CSGALNACT1: variants seen among roughly 807,000 people sequenced by gnomAD.
CSGALNACT1 encodes beta4GalNAcT-1.
CSGALNACT1 carries 52 observed loss-of-function variants against 51.0 expected under a neutral mutation model. The ratio of observed to expected loss-of-function variants is 1.02; its 90% confidence interval spans 0.82 to 1.29. CSGALNACT1 has a LOEUF of 1.29. CSGALNACT1 is among the 50% of genes most tolerant of loss of function. The pLI is 0.00. For missense variants in CSGALNACT1, 935 were observed against 679.2 expected, an observed-to-expected ratio of 1.38 and a Z score of -4.19; for synonymous variants, 341 against 254.4, an observed-to-expected ratio of 1.34 and a Z score of -3.24.
At chr8:19,558,759 T>C (rs1471929934) in intron 3 of CSGALNACT1, among the ~76,000 whole-genome samples, 1 of 152,130 alleles carries the variant, frequency 6.6e-6, no homozygotes, top group Non-Finnish European at 1.5e-5. Flanking sequence ...AATTTAGAGA[T>C]TTAAATAGAA....
rs34285170 is a variant in CSGALNACT1 at position 19,420,419 on chromosome 8, G to A, written c.1053C>T (p.Asn351=). Residue 351 remains asparagine (N), a synonymous_variant, in exon 7 of 10, where the codon AAC becomes AAT. Transcript: ENST00000454498. ...CCACATCACAGAAAAAGAGAAGGAC[G>A]TTGCTTCCCTTCCAGAAGCGGGCTC... 349 of 1,614,128 alleles carry A rather than the reference G, an allele frequency of 2.2e-4. No individual in the cohort carries two copies. In the African/African-American group the frequency reaches 3.8e-3, roughly 18 times the overall value.
At chr8:19,415,974 G>A (rs966794774) in intron 8 of CSGALNACT1, among the ~76,000 whole-genome samples, 2 of 152,124 alleles carry the variant, frequency 1.3e-5, no homozygotes. Context: ...AAAATCTGAT[G>A]TAAAAGATTT....
intron 3 of CSGALNACT1, among the ~76,000 whole-genome samples, chr8:19,555,913 C>T (rs999723085): frequency 6.6e-6 from 1 of 152,168 alleles, no homozygotes; most frequent in African/African-American, 2.4e-5. Flanking sequence ...GTCACAGAAA[C>T]TGAAGAAGTA....
chr8:19,408,857 A>C (rs1227709050), intron 8 of CSGALNACT1, among the ~76,000 whole-genome samples, 163 bp from the exon 8 acceptor site: 1 of 152,012 alleles, frequency 6.6e-6, no homozygotes, highest in Non-Finnish European at 1.5e-5. Flanking sequence ...CCTTGCAGAC[A>C]GTCAGGAATA....
intron 8 of CSGALNACT1, among the ~76,000 whole-genome samples, chr8:19,410,260 C>G (rs764354628): frequency 1.8e-4 from 28 of 152,200 alleles, no homozygotes; most frequent in Non-Finnish European, 3.1e-4. Context: ...GACCGTTATA[C>G]AGTATCTCCC....
intron 1 of CSGALNACT1, among the ~76,000 whole-genome samples, chr8:19,734,768 T>C (rs551513946): frequency 1.3e-5 from 2 of 152,274 alleles, no homozygotes; most frequent in East Asian, 1.9e-4. Context: ...GAAGAAAACC[T>C]GTACAAAATA....
chr8:19,579,470 C>T (rs530366369), intron 3 of CSGALNACT1, among the ~76,000 whole-genome samples: 32 of 152,332 alleles, frequency 2.1e-4, no homozygotes, highest in South Asian at 4.1e-4. Flanking sequence ...TTAAGTCACT[C>T]TTCTAAGTCT....
chr8:19,598,744 G>A (rs1170561592), intron 2 of CSGALNACT1, among the ~76,000 whole-genome samples: 1 of 152,172 alleles, frequency 6.6e-6, no homozygotes, highest in Non-Finnish European at 1.5e-5. Flanking sequence ...CCTGCTCAGG[G>A]GTGAGTTCAG....
intron 3 of CSGALNACT1, among the ~76,000 whole-genome samples, chr8:19,578,593 C>T (rs748303943): frequency 2.0e-5 from 3 of 152,148 alleles, no homozygotes; most frequent in African/African-American, 4.8e-5. Flanking sequence ...CCTACCATCC[C>T]TGTATTCGCT....
At chr8:19,612,080 C>T (rs944019324) in intron 1 of CSGALNACT1, among the ~76,000 whole-genome samples, 1 of 152,096 alleles carries the variant, frequency 6.6e-6, no homozygotes, top group East Asian at 1.9e-4. Flanking sequence ...CAGTGGTTCA[C>T]GCCTATAATC....
chr8:19,557,190 C>G (rs1440691201), intron 3 of CSGALNACT1, among the ~76,000 whole-genome samples: 4 of 152,288 alleles, frequency 2.6e-5, no homozygotes, highest in Non-Finnish European at 4.4e-5. Context: ...AACCACTGAG[C>G]TGTCACAACC....
intron 4 of CSGALNACT1, among the ~76,000 whole-genome samples, chr8:19,504,103 G>C (rs1464533387): frequency 6.6e-6 from 1 of 152,190 alleles, no homozygotes; most frequent in Non-Finnish European, 1.5e-5. Context: ...TTGAGACGGA[G>C]TCTCTCTCTG....
chr8:19,584,068 C>T (rs1036030037), intron 3 of CSGALNACT1, among the ~76,000 whole-genome samples: 2 of 152,196 alleles, frequency 1.3e-5, no homozygotes, highest in African/African-American at 4.8e-5. Context: ...CTTAAAAATA[C>T]TCCAATTAAA....
At chr8:19,526,880 C>CA (rs551392306) in intron 3 of CSGALNACT1, among the ~76,000 whole-genome samples, 44 of 152,032 alleles carry the variant, frequency 2.9e-4, no homozygotes, top group Non-Finnish European at 6.0e-4. Flanking sequence ...TCCAGGAGTA[C>CA]AAAAAATGCT....
At chr8:19,704,557 G>A (rs2062053090) in intron 1 of CSGALNACT1, among the ~76,000 whole-genome samples, 1 of 152,152 alleles carries the variant, frequency 6.6e-6, no homozygotes, top group Non-Finnish European at 1.5e-5. Flanking sequence ...CTATGATCCA[G>A]CACTCTCACT....
intron 2 of CSGALNACT1, among the ~76,000 whole-genome samples, chr8:19,593,403 G>A (rs2154135614): frequency 6.6e-6 from 1 of 152,278 alleles, no homozygotes. Flanking sequence ...TGGTCCTCCT[G>A]GGGCACCACA....
intron 4 of CSGALNACT1, among the ~76,000 whole-genome samples, chr8:19,475,124 T>C (rs1468983630): frequency 6.6e-6 from 1 of 152,044 alleles, no homozygotes; most frequent in Non-Finnish European, 1.5e-5. Context: ...GGAGGAGCTG[T>C]AGAGCAGGCA....
intron 1 of CSGALNACT1, among the ~76,000 whole-genome samples, chr8:19,671,343 G>C (rs1022376589): frequency 1.3e-5 from 2 of 152,158 alleles, no homozygotes; most frequent in Non-Finnish European, 2.9e-5. Context: ...GGATGAACTA[G>C]TTAGGTGTAC....
At position 19,484,719 on chromosome 8, in the gene CSGALNACT1, C is replaced by T. The variant is rs371087202; in HGVS notation, c.634+20482G>A. On this transcript the variant is annotated intron_variant, in intron 4 of 9. Transcript: ENST00000454498. ...ATGTTGAAACTCTAATCCCTAGTACCTCAGAATGTTATTGTGTTTGGAGAA... is the reference window on the plus strand; with the variant it reads ...ATGTTGAAACTCTAATCCCTAGTACTTCAGAATGTTATTGTGTTTGGAGAA... 1.6e-3 allele frequency among the ~76,000 whole-genome samples: 238 copies of T among 152,222 alleles called. 2 individuals carry two copies. The highest frequency in any genetic ancestry group is 5.5e-3 in the African/African-American group (229 of 41,544).
Sources: gnomAD v4.1 joint callset for allele counts (sites outside exome capture counted in the v4.1 genomes callset) on GRCh38, gnomAD v4.1.1 for gene constraint, MANE v1.5 for transcripts, NCBI Gene and HGNC (gene_info 2026-07-23, HGNC 2026-07-21) for gene names.